The following LARS2 variants were observed in gnomAD, a reference collection of about 807,000 sequenced individuals.
LARS2 encodes leucine--tRNA ligase, mitochondrial.
In LARS2, 81 loss-of-function variants were observed where a neutral mutation model predicts 116.6. The ratio of observed to expected loss-of-function variants is 0.69; its 90% CI spans 0.58 to 0.84. The LOEUF is 0.84. Among genes scored for constraint, LARS2 ranks in the 40% least tolerant of loss-of-function variants. The probability of loss-of-function intolerance (pLI) is 0.00; values close to 1 mark genes in which losing one functional copy is unlikely to be tolerated. For synonymous variants in LARS2, 396 were observed against 407.2 expected (o/e 0.97, Z 0.33); for missense variants, 968 against 1,114.5 (o/e 0.87, Z 1.87).
At chr3:45,426,523 T>TTTAGCTGAAA (rs1234295998) in intron 6 of LARS2, among the ~76,000 whole-genome samples, 1 of 152,232 alleles carries the variant, frequency 6.6e-6, no homozygotes, top group Non-Finnish European at 1.5e-5. Context: ...GGCAGTACCT[T>TTTAGCTGAAA]TGTTTTAGCT....
intron 6 of LARS2, among the ~76,000 whole-genome samples, chr3:45,443,737 C>T (rs941126357): frequency 2.0e-5 from 3 of 152,100 alleles, no homozygotes; most frequent in East Asian, 1.9e-4. Flanking sequence ...AATAATGGTC[C>T]GGAAGCAGTG....
chr3:45,533,798 C>T (rs1169579282), intron 20 of LARS2, among the ~76,000 whole-genome samples: 2 of 152,164 alleles, frequency 1.3e-5, no homozygotes, highest in Admixed American at 1.3e-4. Flanking sequence ...ATTTCTGTGA[C>T]CAGATCTCCA....
At chr3:45,416,234 A>G (rs1698419771) in intron 4 of LARS2, among the ~76,000 whole-genome samples, 2 of 151,728 alleles carry the variant, frequency 1.3e-5, no homozygotes, top group African/African-American at 4.8e-5. Flanking sequence ...CAATCTGGGC[A>G]ACAGAGTGAG....
At chr3:45,511,922 C>T (rs4683121) in intron 15 of LARS2, among the ~76,000 whole-genome samples, 121,199 of 151,538 alleles carry the variant, frequency 0.8, 52,648 homozygotes, top group East Asian at 0.98. Context: ...ACTACAGGTG[C>T]GCGCCCCCAC....
intron 6 of LARS2, among the ~76,000 whole-genome samples, chr3:45,435,002 C>T (rs1698775928): frequency 6.6e-6 from 1 of 152,192 alleles, no homozygotes; most frequent in African/African-American, 2.4e-5. Flanking sequence ...TTATCTGCAG[C>T]ATCCTTTGAA....
intron 4 of LARS2, among the ~76,000 whole-genome samples, chr3:45,413,217 G>T (rs1206150368): frequency 3.9e-5 from 6 of 152,216 alleles, no homozygotes; most frequent in African/African-American, 1.4e-4. Flanking sequence ...GTGAGATTCA[G>T]GTATTAATAT....
intron 15 of LARS2, among the ~76,000 whole-genome samples, chr3:45,512,309 T>C (rs1700303444): frequency 1.3e-5 from 2 of 152,228 alleles, no homozygotes; most frequent in African/African-American, 4.8e-5. Context: ...GAATCATTCT[T>C]TGAGTTTGGA....
chr3:45,480,070 G>A (rs540583852), intron 10 of LARS2, among the ~76,000 whole-genome samples: 2 of 152,286 alleles, frequency 1.3e-5, no homozygotes, highest in East Asian at 3.9e-4. Context: ...TCCATATGGG[G>A]TGAGGACAAA....
At chr3:45,457,316 A>G (rs1699229805) in intron 7 of LARS2, among the ~76,000 whole-genome samples, 1 of 152,238 alleles carries the variant, frequency 6.6e-6, no homozygotes, top group Admixed American at 6.5e-5. Context: ...GCCACAGATC[A>G]GGGCAGGAAG....
At chr3:45,521,786 C>G (rs989872692) in intron 19 of LARS2, among the ~76,000 whole-genome samples, 1 of 151,558 alleles carries the variant, frequency 6.6e-6, no homozygotes. Context: ...TTTTAAATAC[C>G]TGTCAAATTT....
At chr3:45,460,571 G>A (rs1699299746) in intron 8 of LARS2, among the ~76,000 whole-genome samples, 1 of 152,196 alleles carries the variant, frequency 6.6e-6, no homozygotes, top group African/African-American at 2.4e-5. Context: ...GACTCACCTG[G>A]TTCTTGCTGA....
At chr3:45,458,699 G>A (rs1229225312) in intron 7 of LARS2, 44 bp from the exon 8 acceptor site, 1 of 1,574,802 alleles carries the variant, frequency 6.3e-7, no homozygotes, top group Non-Finnish European at 8.7e-7. Flanking sequence ...AAAAAAAAAA[G>A]AGTACTCACC....
chr3:45,415,860 A>AAAAAATAT (rs1553627793), intron 4 of LARS2, among the ~76,000 whole-genome samples: 1 of 92,742 alleles, frequency 1.1e-5, no homozygotes, highest in African/African-American at 5.0e-5. Context: ...AAAAAAAAAA[A>AAAAAATAT]ATATATATAT....
At chr3:45,532,470 T>C (rs1700629781) in intron 20 of LARS2, among the ~76,000 whole-genome samples, 1 of 152,206 alleles carries the variant, frequency 6.6e-6, no homozygotes, top group Admixed American at 6.5e-5. Context: ...GTAGACTTAA[T>C]ATACCATTAA....
rs1230318891 is a variant in LARS2, at chr3:45,484,332, C to T, written c.1019-1360C>T. Among the ~76,000 whole-genome samples the T allele has an allele frequency of 5.3e-5, 8 of 151,402 alleles. No individual in the cohort carries two copies. In the East Asian group the frequency reaches 1.6e-3, roughly 30 times the overall value. On this transcript the variant is annotated intron_variant, in intron 10 of 21. Transcript: ENST00000645846. ...TTGTAAATTAAGTCAAGTGAACTCA[C>T]TAATTGTCTACCATCTCTCATCTCT...
chr3:45,441,962 C>T (rs368588902), intron 6 of LARS2, among the ~76,000 whole-genome samples: 63 of 152,172 alleles, frequency 4.1e-4, no homozygotes, highest in African/African-American at 1.5e-3. Flanking sequence ...TAGTTGGAAT[C>T]CCAGATTCGT....
intron 7 of LARS2, among the ~76,000 whole-genome samples, chr3:45,456,040 A>C (rs1400834468): frequency 6.6e-6 from 1 of 152,102 alleles, no homozygotes. Flanking sequence ...TCAGGAGTAC[A>C]AAGTTTCAGC....
chr3:45,481,766 G>A (rs949493383), intron 10 of LARS2, among the ~76,000 whole-genome samples: 4 of 151,918 alleles, frequency 2.6e-5, no homozygotes, highest in Admixed American at 1.3e-4. Context: ...TCTCTTATCA[G>A]ATACGTAATC....
rs1330777001 is a variant in LARS2 at position 45,517,988 on chromosome 3, G to A, written c.2130G>A (p.Lys710=). 1.2e-6 allele frequency: 2 copies of A among 1,613,946 alleles called. No individual in the cohort carries two copies. The highest frequency in any genetic ancestry group is 1.7e-6 in the Non-Finnish European group (2 of 1,179,930). ...TRFIEARASG[K]SPQPQLLSNK... is the part of the protein sequence containing the mutation. ...TTATTGAGGCCAGGGCTTCTGGGAA[G>A]TCTCCCCAGCCTCAGCTGCTGAGTA... is the stretch of plus-strand genomic sequence containing the variant. Residue 710 remains lysine, a synonymous_variant, in exon 18 of 22, where the codon AAG becomes AAA. Coordinates refer to ENST00000645846, the MANE Select transcript of LARS2 (RefSeq NM_015340.4).
Sources: gnomAD v4.1 joint callset for allele counts (sites outside exome capture counted in the v4.1 genomes callset) on GRCh38, gnomAD v4.1.1 for gene constraint, MANE v1.5 for transcripts, NCBI Gene and HGNC (gene_info 2026-07-23, HGNC 2026-07-21) for gene names.